FRMPD4: variants seen among roughly 807,000 people sequenced by gnomAD.
FRMPD4 encodes the protein FERM and PDZ domain-containing protein 4.
In FRMPD4, 22 loss-of-function variants were observed where a neutral mutation model predicts 94.1. The ratio of observed to expected loss-of-function variants is 0.23; its 90% CI spans 0.17 to 0.33. FRMPD4 has a LOEUF of 0.33. FRMPD4 is among the 10% of genes least tolerant of loss of function. FRMPD4 has a pLI of 1.00. For missense variants in FRMPD4, 1,111 were observed against 1,339.9 expected (o/e 0.83, Z 2.67); for synonymous variants, 631 against 548.6 (o/e 1.15, Z -2.10).
intron 1 of FRMPD4, among the ~76,000 whole-genome samples, chrX:12,346,278 G>GAAA (rs36067490): frequency 1.2e-3 from 124 of 100,304 alleles, no homozygotes; most frequent in African/African-American, 4.0e-3. Flanking sequence ...TGTTTTGCAG[G>GAAA]AAAAAAAAAA....
At chrX:12,664,518 T>A (rs760237216) in intron 4 of FRMPD4, among the ~76,000 whole-genome samples, 1 of 112,250 alleles carries the variant, frequency 8.9e-6, no homozygotes, top group Non-Finnish European at 1.9e-5. Flanking sequence ...TTGATTTGCA[T>A]ACGTTGAACC....
intron 3 of FRMPD4, among the ~76,000 whole-genome samples, chrX:11,968,738 C>T: frequency 8.9e-6 from 1 of 111,891 alleles, no homozygotes; most frequent in Middle Eastern, 4.6e-3. Context: ...GGGTCATTGT[C>T]AGGGTATGCT....
At chrX:12,499,329 T>C (rs1438865537) in intron 2 of FRMPD4, among the ~76,000 whole-genome samples, 3 of 112,311 alleles carry the variant, frequency 2.7e-5, no homozygotes, top group Non-Finnish European at 5.6e-5. Context: ...GGTTTTTTGT[T>C]AATTGTGGTA....
At chrX:12,053,346 GAAAGGAAAGAAAGAAGAAA>G (rs1215225279) in intron 3 of FRMPD4, among the ~76,000 whole-genome samples, 8 of 78,041 alleles carry the variant, frequency 1.0e-4, no homozygotes, top group African/African-American at 3.4e-4. Context: ...AAGAAAGAAA[GAAAGGAAAGAAAGAAGAAA>G]GAAAGAAAGA....
At chrX:11,912,789 AAAAG>A (rs2054003723) in intron 3 of FRMPD4, among the ~76,000 whole-genome samples, 2 of 110,665 alleles carry the variant, frequency 1.8e-5, no homozygotes, top group East Asian at 5.6e-4. Flanking sequence ...TACAAAAAAA[AAAAG>A]AAAAAAAGAA....
At chrX:11,926,277 A>G (rs2147348614) in intron 3 of FRMPD4, among the ~76,000 whole-genome samples, 1 of 106,443 alleles carries the variant, frequency 9.4e-6, no homozygotes, top group East Asian at 2.9e-4. Context: ...AAAAAAAAAA[A>G]AAAAAGCCCA....
rs1006658492 is a variant in FRMPD4 at position 11,977,135 on chromosome X, C to T, written c.95+99117C>T. 3.8e-4 allele frequency among the ~76,000 whole-genome samples: 42 copies of T among 109,743 alleles called. No individual in the cohort carries two copies. In the Admixed American group the frequency reaches 4.1e-3, roughly 11 times the overall value. Reference sequence around the variant, plus strand: ...AGTTAAAAAGGCACTTAGATTGATACATGTTGCTGCTGCTTATTAAAAAGT... The same window carrying T: ...AGTTAAAAAGGCACTTAGATTGATATATGTTGCTGCTGCTTATTAAAAAGT... On this transcript the variant is annotated intron_variant, in intron 3 of 18. Coordinates refer to the FRMPD4 transcript ENST00000640291.
At chrX:12,085,009 A>C (rs1271451536) in intron 3 of FRMPD4, among the ~76,000 whole-genome samples, 1 of 112,298 alleles carries the variant, frequency 8.9e-6, no homozygotes, top group Admixed American at 9.4e-5. Flanking sequence ...AAATGCCTAT[A>C]GTCTCAACCC....
chrX:12,604,670 CTTTTAT>C, intron 2 of FRMPD4, among the ~76,000 whole-genome samples: 1 of 112,056 alleles, frequency 8.9e-6, no homozygotes, highest in South Asian at 3.8e-4. Flanking sequence ...TTGTTTTTAA[CTTTTAT>C]TTTAAGTTCA....
intron 3 of FRMPD4, among the ~76,000 whole-genome samples, chrX:11,980,358 T>C (rs1372023365): frequency 3.6e-5 from 4 of 111,594 alleles, no homozygotes; most frequent in Non-Finnish European, 7.5e-5. Flanking sequence ...TCTTTATTTA[T>C]ATTGTCAGAG....
At chrX:11,882,846 G>A (rs777909634) in intron 3 of FRMPD4, among the ~76,000 whole-genome samples, 3 of 111,470 alleles carry the variant, frequency 2.7e-5, no homozygotes, top group African/African-American at 9.8e-5. Context: ...AGGGTGATTT[G>A]ATAAAAGAGA....
At chrX:11,849,741 T>C (rs1386908637) in intron 1 of FRMPD4, among the ~76,000 whole-genome samples, 1 of 109,644 alleles carries the variant, frequency 9.1e-6, no homozygotes, top group Non-Finnish European at 1.9e-5. Context: ...AACAATGAAC[T>C]TGGACCTTTA....
At chrX:12,456,243 C>T (rs1250840899) in intron 1 of FRMPD4, among the ~76,000 whole-genome samples, 1 of 111,812 alleles carries the variant, frequency 8.9e-6, no homozygotes, top group Non-Finnish European at 1.9e-5. Context: ...TCTTCTTTCT[C>T]CATCTCTTTC....
chrX:11,869,284 T>C (rs2053742685), intron 2 of FRMPD4, among the ~76,000 whole-genome samples: 1 of 112,207 alleles, frequency 8.9e-6, no homozygotes, highest in Non-Finnish European at 1.9e-5. Flanking sequence ...TTTAAGTGCT[T>C]GAAGCAATAG....
At chrX:12,461,599 G>A (rs767699698) in intron 1 of FRMPD4, among the ~76,000 whole-genome samples, 2 of 112,175 alleles carry the variant, frequency 1.8e-5, no homozygotes, top group African/African-American at 3.2e-5. Context: ...TTTGTCCTGT[G>A]TTGTACATAT....
intron 2 of FRMPD4, among the ~76,000 whole-genome samples, chrX:12,544,912 T>C (rs1317481860): frequency 8.9e-6 from 1 of 112,193 alleles, no homozygotes; most frequent in Admixed American, 9.5e-5. Flanking sequence ...CCACGTAAGT[T>C]AATCGTTTGA....
chrX:12,635,434 G>GC (rs2059434855), intron 4 of FRMPD4, among the ~76,000 whole-genome samples: 1 of 110,841 alleles, frequency 9.0e-6, no homozygotes, highest in African/African-American at 3.3e-5. Context: ...AGAATTTACA[G>GC]AAGCTCTAGG....
At chrX:12,197,099 A>C in intron 1 of FRMPD4, among the ~76,000 whole-genome samples, 1 of 111,612 alleles carries the variant, frequency 9.0e-6, no homozygotes, top group East Asian at 2.8e-4. Context: ...ATATGTATTT[A>C]TGTGTTTTTT....
chrX:12,326,499 CAT>C (rs1569232167), intron 1 of FRMPD4, among the ~76,000 whole-genome samples: 1 of 111,696 alleles, frequency 9.0e-6, no homozygotes, highest in Non-Finnish European at 1.9e-5. Flanking sequence ...GATGGCCACA[CAT>C]GTCTCCACAT....
Sources: gnomAD v4.1 joint callset for allele counts (sites outside exome capture counted in the v4.1 genomes callset) on GRCh38, gnomAD v4.1.1 for gene constraint, MANE v1.5 for transcripts, NCBI Gene and HGNC (gene_info 2026-07-23, HGNC 2026-07-21) for gene names.